Variants in GRM8 observed in about 807,000 individuals in gnomAD.
GRM8 encodes glutamate metabotropic receptor 8, also known as metabotropic glutamate receptor 8.
In GRM8, 47 loss-of-function variants were observed where a neutral mutation model predicts 87.2. That is an observed-to-expected ratio of 0.54 (90% CI 0.43 to 0.69). GRM8 has a LOEUF of 0.69. Among genes scored for constraint, GRM8 ranks in the 30% least tolerant of loss-of-function variants. The pLI is 0.00. For missense variants in GRM8, 1,019 were observed against 1,139.2 expected, an observed-to-expected ratio of 0.89 and a Z score of 1.52; for synonymous variants, 396 against 404.5, an observed-to-expected ratio of 0.98 and a Z score of 0.25.
intron 3 of GRM8, among the ~76,000 whole-genome samples, chr7:126,953,405 CT>C: frequency 6.6e-6 from 1 of 152,072 alleles, no homozygotes; most frequent in Non-Finnish European, 1.5e-5. Context: ...AGACCGTGGC[CT>C]TAAAAAGCTT....
chr7:126,568,402 G>C (rs1419495), intron 8 of GRM8, among the ~76,000 whole-genome samples: 46,940 of 151,994 alleles, frequency 0.31, 8,120 homozygotes, highest in East Asian at 0.43. Context: ...CGGAACTGAT[G>C]TAAGTCTTTA....
chr7:127,160,511 G>A (rs535220833), intron 2 of GRM8, among the ~76,000 whole-genome samples: 43 of 148,618 alleles, frequency 2.9e-4, no homozygotes, highest in African/African-American at 1.0e-3. Flanking sequence ...GTGTAAGGGT[G>A]TAAGGAGGCT....
intron 3 of GRM8, among the ~76,000 whole-genome samples, chr7:127,046,944 A>G (rs185985360): frequency 7.9e-5 from 12 of 152,276 alleles, no homozygotes; most frequent in Non-Finnish European, 1.3e-4. Context: ...ACTATTTATC[A>G]GGTTAAGGAA....
chr7:126,928,015 C>T (rs557736161), intron 3 of GRM8, among the ~76,000 whole-genome samples: 154 of 152,178 alleles, frequency 1.0e-3, no homozygotes, highest in African/African-American at 3.3e-3. Context: ...GGCACATATA[C>T]GTCATGGAAT....
At chr7:127,208,238 G>A (rs1796022727) in intron 2 of GRM8, among the ~76,000 whole-genome samples, 1 of 152,156 alleles carries the variant, frequency 6.6e-6, no homozygotes, top group South Asian at 2.1e-4. Context: ...AAGTGAACAT[G>A]GGATGCAGGT....
At chr7:126,726,165 T>C (rs1411829800) in intron 7 of GRM8, among the ~76,000 whole-genome samples, 1 of 152,104 alleles carries the variant, frequency 6.6e-6, no homozygotes, top group African/African-American at 2.4e-5. Context: ...GAGTGTCTGA[T>C]GAATAGTAAA....
chr7:126,979,870 C>T (rs1285232668), intron 3 of GRM8, among the ~76,000 whole-genome samples: 10 of 152,212 alleles, frequency 6.6e-5, no homozygotes, highest in Non-Finnish European at 1.5e-5. Context: ...AAAGCCACTG[C>T]CCTGGCACAG....
chr7:126,703,825 G>A (rs944950722), intron 7 of GRM8, among the ~76,000 whole-genome samples: 20 of 152,216 alleles, frequency 1.3e-4, no homozygotes, highest in African/African-American at 4.1e-4. Context: ...GCCCCCCAGC[G>A]TGCTGAGATT....
At chr7:127,125,619 G>C (rs1827318194) in intron 2 of GRM8, among the ~76,000 whole-genome samples, 1 of 151,806 alleles carries the variant, frequency 6.6e-6, no homozygotes, top group Non-Finnish European at 1.5e-5. Context: ...CTAGATAAAT[G>C]AGTACTTAAT....
intron 7 of GRM8, among the ~76,000 whole-genome samples, chr7:126,663,883 C>G (rs774956618): frequency 6.6e-6 from 1 of 152,050 alleles, no homozygotes. Context: ...TATTCTATAC[C>G]TAGAAAACCA....
rs1807225814 is a variant in GRM8 at position 126,943,711 on chromosome 7, G to A, written c.728-39028C>T. Among the ~76,000 whole-genome samples, 2 of 152,154 alleles carry A rather than the reference G, an allele frequency of 1.3e-5. 1 individual carries two copies. The highest frequency in any genetic ancestry group is 4.1e-4 in the South Asian group (2 of 4,824). On this transcript the variant is annotated intron_variant, in intron 3 of 10. Coordinates refer to ENST00000339582, the MANE Select transcript of GRM8 (RefSeq NM_000845.3). ...ACGCCGTGTATGTGCAAGGTGGTGA[G>A]GCAGCCGAAATTAGGACTATAGAGT...
intron 6 of GRM8, among the ~76,000 whole-genome samples, chr7:126,850,145 G>A (rs767536237): frequency 4.6e-5 from 7 of 152,096 alleles, no homozygotes; most frequent in Non-Finnish European, 8.8e-5. Context: ...TCCTTGTCAA[G>A]GTCACTAATA....
intron 3 of GRM8, among the ~76,000 whole-genome samples, chr7:126,936,136 C>T (rs140943892): frequency 4.7e-4 from 71 of 152,240 alleles, no homozygotes; most frequent in African/African-American, 1.2e-3. Context: ...CACACAGATA[C>T]GTTTCCATGA....
At chr7:126,758,068 A>C (rs1817206302) in intron 7 of GRM8, among the ~76,000 whole-genome samples, 1 of 152,164 alleles carries the variant, frequency 6.6e-6, no homozygotes, top group African/African-American at 2.4e-5. Context: ...GCACAATATT[A>C]CTGATTACAG....
intron 2 of GRM8, among the ~76,000 whole-genome samples, chr7:127,168,317 C>T (rs1004071338): frequency 3.5e-4 from 53 of 152,150 alleles, no homozygotes; most frequent in Admixed American, 2.5e-3. Context: ...TACCATCTCA[C>T]GCTAGGTAGA....
chr7:127,088,013 A>G (rs2299532), intron 3 of GRM8, among the ~76,000 whole-genome samples: 3 of 152,148 alleles, frequency 2.0e-5, no homozygotes, highest in Admixed American at 6.5e-5. Context: ...AAAATAATTT[A>G]GAAACCATAA....
At chr7:126,915,386 C>T (rs1012601485) in intron 3 of GRM8, among the ~76,000 whole-genome samples, 1 of 152,132 alleles carries the variant, frequency 6.6e-6, no homozygotes, top group Non-Finnish European at 1.5e-5. Flanking sequence ...AAATCAACAG[C>T]CCCCACACAG....
At chr7:127,159,133 A>G (rs2116197511) in intron 2 of GRM8, among the ~76,000 whole-genome samples, 1 of 152,282 alleles carries the variant, frequency 6.6e-6, no homozygotes, top group Admixed American at 6.5e-5. Flanking sequence ...GAAAACAAAA[A>G]CGAAGGCTTT....
intron 3 of GRM8, among the ~76,000 whole-genome samples, chr7:126,982,543 C>G (rs1200265381): frequency 6.6e-6 from 1 of 152,162 alleles, no homozygotes; most frequent in Non-Finnish European, 1.5e-5. Context: ...CAATCCCCAA[C>G]CCAAATGCTA....
Sources: allele counts gnomAD v4.1 joint callset (sites outside exome capture counted in the v4.1 genomes callset), GRCh38; gene constraint gnomAD v4.1.1; transcripts MANE v1.5; gene names NCBI Gene and HGNC (gene_info 2026-07-23, HGNC 2026-07-21).